IGF2BP3: variants seen among roughly 807,000 people sequenced by gnomAD.
The protein encoded by IGF2BP3 is insulin like growth factor 2 mRNA binding protein 3, also known as insulin-like growth factor 2 mRNA-binding protein 3.
A neutral mutation model predicts 73.8 loss-of-function variants in IGF2BP3; 9 were observed. The ratio of observed to expected loss-of-function variants is 0.12; its 90% CI spans 0.07 to 0.21. The LOEUF (loss-of-function observed/expected upper bound fraction) is 0.21, where lower values mean the gene tolerates loss of function less well. IGF2BP3 is among the 10% of genes least tolerant of loss of function. IGF2BP3 has a pLI of 1.00. For missense variants in IGF2BP3, 542 were observed against 714.0 expected (o/e 0.76, Z 2.75); for synonymous variants, 258 against 256.7 (o/e 1.01, Z -0.05).
At chr7:23,315,604 CT>C (rs528099099) in intron 12 of IGF2BP3, among the ~76,000 whole-genome samples, 10 of 152,178 alleles carry the variant, frequency 6.6e-5, no homozygotes, top group South Asian at 2.1e-4. Flanking sequence ...GAAAGCTGAG[CT>C]CATTTTAGGG....
intron 3 of IGF2BP3, among the ~76,000 whole-genome samples, chr7:23,409,362 C>T (rs543796815): frequency 3.2e-4 from 49 of 152,118 alleles, no homozygotes; most frequent in Non-Finnish European, 6.2e-4. Flanking sequence ...ATTGCAATCC[C>T]AATAAACATC....
intron 2 of IGF2BP3, 75 bp downstream of exon 2, chr7:23,468,407 G>C: frequency 6.8e-7 from 1 of 1,471,246 alleles, no homozygotes; most frequent in East Asian, 2.3e-5. Context: ...CAGAGGACAA[G>C]AAGTTCTCAG....
intron 2 of IGF2BP3, among the ~76,000 whole-genome samples, chr7:23,433,030 T>C (rs532194459): frequency 7.2e-5 from 11 of 152,338 alleles, no homozygotes; most frequent in African/African-American, 2.6e-4. Context: ...CCTCACTGCC[T>C]GTATGACCTA....
At chr7:23,317,948 C>T (rs151124418) in intron 11 of IGF2BP3, 134 of 538,610 alleles carry the variant, frequency 2.5e-4, no homozygotes, top group African/African-American at 2.1e-3. Flanking sequence ...TGCTGTCTCT[C>T]AGCTAATCCT....
intron 9 of IGF2BP3, among the ~76,000 whole-genome samples, chr7:23,342,496 G>A (rs766826831): frequency 6.6e-6 from 1 of 152,152 alleles, no homozygotes; most frequent in Non-Finnish European, 1.5e-5. Flanking sequence ...TATTCTGCAT[G>A]CTGTGGGCAA....
At chr7:23,352,194 CAA>C (rs1482280901) in intron 5 of IGF2BP3, among the ~76,000 whole-genome samples, 3 of 149,090 alleles carry the variant, frequency 2.0e-5, no homozygotes, top group African/African-American at 7.6e-5. Context: ...TGATTTGGAG[CAA>C]AGAGGCAGGG....
chr7:23,449,554 C>CTTTTTTTTTTTTT (rs376571131), intron 2 of IGF2BP3, among the ~76,000 whole-genome samples: 140 of 106,908 alleles, frequency 1.3e-3, no homozygotes, highest in East Asian at 2.2e-3. Context: ...TTTTCTTTTT[C>CTTTTTTTTTTTTT]TTTTTTTTTT....
At chr7:23,402,913 T>C (rs571118466) in intron 3 of IGF2BP3, among the ~76,000 whole-genome samples, 30 of 152,206 alleles carry the variant, frequency 2.0e-4, no homozygotes, top group Non-Finnish European at 2.8e-4. Flanking sequence ...GTTTTAGAAA[T>C]CTGTGGATCT....
intron 2 of IGF2BP3, among the ~76,000 whole-genome samples, chr7:23,460,734 G>T (rs1321808962): frequency 6.6e-6 from 1 of 152,100 alleles, no homozygotes. Context: ...TGGATCACCT[G>T]AGGTCAGGGG....
chr7:23,400,679 G>A (rs1786630147), intron 3 of IGF2BP3, among the ~76,000 whole-genome samples: 1 of 152,228 alleles, frequency 6.6e-6, no homozygotes, highest in Non-Finnish European at 1.5e-5. Flanking sequence ...TCATGACTGT[G>A]TGCATGGATC....
chr7:23,387,859 A>C (rs1339615731), intron 3 of IGF2BP3, among the ~76,000 whole-genome samples: 1 of 152,244 alleles, frequency 6.6e-6, no homozygotes, highest in African/African-American at 2.4e-5. Context: ...GCTAATATTA[A>C]ACCACCAAGT....
At chr7:23,455,597 A>G (rs1257599417) in intron 2 of IGF2BP3, among the ~76,000 whole-genome samples, 1 of 152,178 alleles carries the variant, frequency 6.6e-6, no homozygotes, top group East Asian at 1.9e-4. Flanking sequence ...AACCACCATT[A>G]CTGTTGAAAA....
intron 2 of IGF2BP3, among the ~76,000 whole-genome samples, chr7:23,461,776 G>GACATACA (rs1410479957): frequency 6.6e-6 from 1 of 152,060 alleles, no homozygotes; most frequent in Non-Finnish European, 1.5e-5. Context: ...TCAATTTGTG[G>GACATACA]AAGATGACAT....
At chr7:23,376,839 G>A (rs184765059) in intron 3 of IGF2BP3, among the ~76,000 whole-genome samples, 28 of 152,210 alleles carry the variant, frequency 1.8e-4, no homozygotes, top group South Asian at 1.2e-3. Flanking sequence ...GCAACACAGC[G>A]AAACCTGTCT....
chr7:23,461,676 A>C (rs1250393022), intron 2 of IGF2BP3, among the ~76,000 whole-genome samples: 1 of 152,180 alleles, frequency 6.6e-6, no homozygotes, highest in Non-Finnish European at 1.5e-5. Flanking sequence ...GTAACATATC[A>C]TCTCCTGCCG....
chr7:23,313,612 A>G lies in IGF2BP3; in HGVS notation c.1437T>C (p.Phe479=), dbSNP rs143670921. The part of the protein sequence containing the change: ...RIYGKIKEEN[F]VSPKEEVKLE... ...GTTTCACCTCTTCTTTAGGACTAAC[A>G]AAGTTTTCTTCTTTAATTTTTCCAT... The change falls in exon 13 of 15, where the codon TTT becomes TTC. Residue 479 remains phenylalanine, a synonymous_variant. Coordinates refer to ENST00000258729, the MANE Select transcript of IGF2BP3 (RefSeq NM_006547.3). 1 of 1,613,760 alleles carries G rather than the reference A, an allele frequency of 6.2e-7. No homozygotes were observed. Among genetic ancestry groups the G allele is most frequent in the African/African-American group, 1.3e-5 (1 of 75,044 alleles).
At chr7:23,442,438 C>T (rs1395641124) in intron 2 of IGF2BP3, among the ~76,000 whole-genome samples, 1 of 151,976 alleles carries the variant, frequency 6.6e-6, no homozygotes, top group Non-Finnish European at 1.5e-5. Context: ...TGCTCTGTCA[C>T]CCAGGCTGGA....
intron 3 of IGF2BP3, among the ~76,000 whole-genome samples, chr7:23,378,897 C>T (rs991959909): frequency 2.0e-5 from 3 of 151,804 alleles, no homozygotes; most frequent in Non-Finnish European, 2.9e-5. Context: ...AAGGCTCCCC[C>T]GGAAGAGTAC....
Position 23,464,259 on chromosome 7 carries a change from C to T in IGF2BP3, c.236+4223G>A, listed in dbSNP as rs1051911108. ...TTAAAGTAAGTTACATTTAAAACCC[C>T]GATGACTTTTATAAGTTCTATCCAA... On this transcript the variant is annotated intron_variant, in intron 2 of 14. Coordinates refer to ENST00000258729, the MANE Select transcript of IGF2BP3 (RefSeq NM_006547.3). Among the ~76,000 whole-genome samples, 35 of 152,122 alleles carry T rather than the reference C, an allele frequency of 2.3e-4. 1 individual carries two copies. Among genetic ancestry groups the T allele is most frequent in the East Asian group, 1.9e-4 (1 of 5,198 alleles).
Sources: gnomAD v4.1 joint callset for allele counts (sites outside exome capture counted in the v4.1 genomes callset) on GRCh38, gnomAD v4.1.1 for gene constraint, MANE v1.5 for transcripts, NCBI Gene and HGNC (gene_info 2026-07-23, HGNC 2026-07-21) for gene names.